The following KCTD19 variants were observed in gnomAD, a reference collection of about 807,000 sequenced individuals.
KCTD19 encodes the protein potassium channel tetramerization domain containing 19.
In KCTD19, 67 loss-of-function variants were observed where a neutral mutation model predicts 103.5. The ratio of observed to expected loss-of-function variants is 0.65; its 90% CI spans 0.53 to 0.79. KCTD19 has a LOEUF of 0.79. Among genes scored for constraint, KCTD19 ranks in the 30% least tolerant of loss-of-function variants. The pLI, the probability that KCTD19 is intolerant of heterozygous loss-of-function variation, is 0.00. For synonymous variants in KCTD19, 439 were observed against 452.2 expected (o/e 0.97, Z 0.37); for missense variants, 980 against 1,136.1 (o/e 0.86, Z 1.98).
intron 13 of KCTD19, 21 bp from the exon 14 acceptor site, chr16:67,291,484 A>T: frequency 6.2e-7 from 1 of 1,610,622 alleles, no homozygotes. Flanking sequence ...GGGAAAGTGG[A>T]TGTGGCCACA....
chr16:67,290,940 A>T lies in KCTD19; in HGVS notation c.2612T>A (p.Ile871Asn). Reference protein sequence around the residue: ...PKQFVVDLLAITGFKDDRHTQ... With the variant: ...PKQFVVDLLANTGFKDDRHTQ... ...GTGCCGGTCATCCTTGAAGCCGGTG[A>T]TGGCCAGCAAATCTACCACAAACTG... The change falls in exon 15 of 16, where the codon ATC becomes AAC. Residue 871 changes from isoleucine to asparagine, a missense_variant. Coordinates refer to ENST00000304372, the MANE Select transcript of KCTD19 (RefSeq NM_001100915.3). 1 of 1,614,116 alleles carries T rather than the reference A, an allele frequency of 6.2e-7. No homozygotes were observed. The highest frequency in any genetic ancestry group is 8.5e-7 in the Non-Finnish European group (1 of 1,180,002).
chr16:67,291,872 T>TA (rs755827805), intron 12 of KCTD19, 35 bp from the exon 13 acceptor site: 86 of 1,470,482 alleles, frequency 5.8e-5, no homozygotes, highest in South Asian at 1.2e-4. Flanking sequence ...GCTCTCCTTT[T>TA]AAAAAAAAAT....
rs757641572 is a variant in KCTD19, at chr16:67,304,481, G to A, written c.391C>T (p.Arg131Cys). Residue 131 changes from arginine (R) to cysteine (C), a missense_variant, in exon 3 of 16, where the codon CGT (arginine) becomes TGT (cysteine). Transcript: ENST00000304372. ...VAERASLNYWRTWKCISKPSE... is the reference protein window; with the variant it reads ...VAERASLNYWCTWKCISKPSE... ...GGTTTGCTAATACACTTCCATGTAC[G>A]CCAGTAGTTCAGAGATGCTCTCTCA... 1.9e-6 allele frequency: 3 copies of A among 1,613,892 alleles called. No homozygotes were observed. The highest frequency in any genetic ancestry group is 2.5e-6 in the Non-Finnish European group (3 of 1,179,862).
rs1163242732 is a variant in KCTD19, at chr16:67,293,555, G to A, written c.2207C>T (p.Thr736Ile). Reference sequence around the variant, plus strand: ...GGGACAGGACTCACCTCTCTCCTTGGTCCTCTGCTTGCTCCAGTCCTTCAG... The same window carrying A: ...GGGACAGGACTCACCTCTCTCCTTGATCCTCTGCTTGCTCCAGTCCTTCAG... ...GTLKDWSKQR[T>I]KERESPAPEQ... The change falls in exon 12 of 16, where the codon ACC becomes ATC. Residue 736 changes from threonine to isoleucine, a missense_variant. Thr to Ile is a moderately conservative substitution (Grantham distance 89, BLOSUM62 -1). Transcript: ENST00000304372. This position sits in a 1 kb window ranked among gnomAD's most constrained non-coding sequence, Gnocchi z 4.0. The A allele has an allele frequency of 6.2e-7, 1 of 1,613,714 alleles. No individual in the cohort carries two copies. Among genetic ancestry groups the A allele is most frequent in the Non-Finnish European group, 8.5e-7 (1 of 1,179,896 alleles).
In KCTD19 at chr16:67,326,712, G is replaced by A; in HGVS notation, c.-5C>T. ...CCAGAGCGGGCTCCGTACCATGGTC[G>A]CGGCTCCAGCAGCGGGCGGGCGGGC... is the stretch of plus-strand genomic sequence containing the variant. On this transcript the variant is annotated 5_prime_UTR_variant, in exon 1 of 16. Transcript: ENST00000304372. 1 of 1,576,816 alleles carries A rather than the reference G, an allele frequency of 6.3e-7. No individual in the cohort carries two copies. The highest frequency in any genetic ancestry group is 1.1e-5 in the South Asian group (1 of 88,792).
chr16:67,295,628 C>T, intron 8 of KCTD19: 1 of 452,674 alleles, frequency 2.2e-6, no homozygotes, highest in Non-Finnish European at 3.9e-6. Context: ...ACCACCCTCT[C>T]AAGGCATTTG....
In KCTD19 at chr16:67,303,322, G is replaced by C; in HGVS notation, c.467C>G (p.Ala156Gly). The change falls in exon 4 of 16, where the codon GCA becomes GGA. Residue 156 changes from alanine (A) to glycine (G), a missense_variant. Ala to Gly is a moderately conservative substitution (Grantham distance 60). Transcript: ENST00000304372. The surrounding 1 kb of genome is among the most constrained non-coding windows in gnomAD (Gnocchi z 4.3). ...SPAFTGLHDK[A>G]PLGLMDTPLL... is the part of the protein sequence containing the mutation. ...GGGTGTGTCCATGAGCCCCAGAGGT[G>C]CCTTATCATGTAGGCCTGGAAGAGA... 1.2e-6 allele frequency: 2 copies of C among 1,611,864 alleles called. No individual in the cohort carries two copies. Among genetic ancestry groups the C allele is most frequent in the Middle Eastern group, 3.3e-4 (2 of 6,044 alleles).
intron 12 of KCTD19, among the ~76,000 whole-genome samples, chr16:67,292,487 A>G (rs746779992): frequency 2.6e-5 from 4 of 152,342 alleles, no homozygotes; most frequent in South Asian, 4.1e-4. Context: ...TCTTTATAAA[A>G]TTTTAAGTTG....
chr16:67,299,365 G>T lies in KCTD19; in HGVS notation c.984C>A (p.Val328=), dbSNP rs1462813460. ...ITGNGVLFQH[V]KNWLGTCRLP... ...GTGTGCCCTAAGGAGGACCTCACTT[G>T]ACGTGCTGAAAGAGGACGCCATTCC... Residue 328 remains valine (V), a splice_region_variant and synonymous_variant, in exon 6 of 16, where the codon GTC becomes GTA. Transcript: ENST00000304372. 7.4e-6 allele frequency: 12 copies of T among 1,614,044 alleles called. No individual in the cohort carries two copies. The highest frequency in any genetic ancestry group is 1.0e-5 in the Non-Finnish European group (12 of 1,179,972).
intron 3 of KCTD19, among the ~76,000 whole-genome samples, 171 bp downstream of exon 3, chr16:67,304,250 G>A (rs1038021108): frequency 6.6e-6 from 1 of 152,298 alleles, no homozygotes; most frequent in East Asian, 1.9e-4. Flanking sequence ...GGTTCCAGCA[G>A]GCAAGCAGCC....
chr16:67,304,326 C>T (rs1183679208), intron 3 of KCTD19, 95 bp downstream of exon 3: 4 of 1,203,958 alleles, frequency 3.3e-6, no homozygotes, highest in Middle Eastern at 2.4e-4. Context: ...AGAAATCAGG[C>T]ACTCTCTGCT....
chr16:67,325,534 G>A (rs952088093), intron 1 of KCTD19, among the ~76,000 whole-genome samples: 3 of 151,968 alleles, frequency 2.0e-5, no homozygotes, highest in Non-Finnish European at 2.9e-5. Flanking sequence ...GAGCCACCAC[G>A]CCCAGCCCAC....
chr16:67,309,082 T>A (rs564230860), intron 2 of KCTD19, among the ~76,000 whole-genome samples: 5 of 139,706 alleles, frequency 3.6e-5, no homozygotes, highest in Admixed American at 7.6e-5. Context: ...TAAGCCGAGA[T>A]CATGCCACTG....
intron 7 of KCTD19, among the ~76,000 whole-genome samples, chr16:67,297,049 T>C (rs2036772756): frequency 2.0e-5 from 3 of 152,250 alleles, no homozygotes; most frequent in African/African-American, 4.8e-5. Context: ...TAAGAAGTTA[T>C]AGGCAGCTGG....
At chr16:67,310,657 C>T (rs774555627) in intron 2 of KCTD19, among the ~76,000 whole-genome samples, 15 of 152,082 alleles carry the variant, frequency 9.9e-5, no homozygotes, top group Admixed American at 2.6e-4. Context: ...ACTGATGGCA[C>T]GGGGAAGTAT....
At chr16:67,322,798 T>C (rs1187121679) in intron 1 of KCTD19, among the ~76,000 whole-genome samples, 11 of 152,208 alleles carry the variant, frequency 7.2e-5, no homozygotes, top group Admixed American at 7.2e-4. Context: ...ACAAAATATT[T>C]GCAAATCATT....
chr16:67,312,351 G>T (rs2036958447), intron 2 of KCTD19, among the ~76,000 whole-genome samples: 1 of 152,332 alleles, frequency 6.6e-6, no homozygotes, highest in South Asian at 2.1e-4. Flanking sequence ...TTTAGGTAAG[G>T]TGGCCTTCCC....
At position 67,320,836 on chromosome 16, in the gene KCTD19, T is replaced by A. The variant is rs772879109; in HGVS notation, c.53A>T (p.Asn18Ile). The A allele has an allele frequency of 1.9e-6, 3 of 1,614,044 alleles. No individual in the cohort carries two copies. Among genetic ancestry groups the A allele is most frequent in the Non-Finnish European group, 2.5e-6 (3 of 1,179,978 alleles). The change falls in exon 2 of 16, where the codon AAC (asparagine) becomes ATC (isoleucine). Residue 18 changes from asparagine (N) to isoleucine (I), a missense_variant. Physicochemically the swap from Asn to Ile is moderately radical, Grantham distance 149. Coordinates refer to ENST00000304372, the MANE Select transcript of KCTD19 (RefSeq NM_001100915.3). The surrounding 1 kb of genome is among the most constrained non-coding windows in gnomAD (Gnocchi z 4.0). ...HESAEDLFHF[N>I]VGGWHFSVPR... ...AACTGAGAAATGCCAGCCCCCTACG[T>A]TGAAATGAAACAAGTCCTCTGCTGA...
In KCTD19 at chr16:67,293,474, GC is replaced by G; in HGVS notation, c.2218+69del. 6.5e-7 allele frequency: 1 copy of G among 1,531,708 alleles called. No individual in the cohort carries two copies. The highest frequency in any genetic ancestry group is 8.9e-7 in the Non-Finnish European group (1 of 1,128,068). 94.9% of individuals were successfully genotyped at this position (1,531,708 alleles called of 1,614,324 possible). A position where few individuals can be genotyped will look rare whatever the true frequency, so the allele number is the denominator to read the frequency against. ...TCCTCCTTTGTCACTAACTTGCTCT[GC>G]CATCTTGGCCAAAGAGTTTGCCTTC... On this transcript the variant is annotated intron_variant, in intron 12 of 15. Coordinates refer to ENST00000304372, the MANE Select transcript of KCTD19 (RefSeq NM_001100915.3). The surrounding 1 kb of genome is among the most constrained non-coding windows in gnomAD (Gnocchi z 4.0).
Sources: gnomAD v4.1 joint callset for allele counts (sites outside exome capture counted in the v4.1 genomes callset) on GRCh38, gnomAD v4.1.1 for gene constraint, Gnocchi (gnomAD v3.1) non-coding constraint, MANE v1.5 for transcripts, NCBI Gene and HGNC (gene_info 2026-07-23, HGNC 2026-07-21) for gene names.